The following KLRG1 variants were observed in gnomAD, a reference collection of about 807,000 sequenced individuals.
The protein encoded by KLRG1 is killer cell lectin-like receptor subfamily G member 1.
A neutral mutation model predicts 21.8 loss-of-function variants in KLRG1; 16 were observed. The ratio of observed to expected loss-of-function variants is 0.73; its 90% CI spans 0.50 to 1.11. The LOEUF (loss-of-function observed/expected upper bound fraction) is 1.11. Ranked by LOEUF, KLRG1 falls within the 50% of genes most tolerant of loss-of-function variation. The pLI is 0.00. For missense variants in KLRG1, 173 were observed against 218.3 expected (o/e 0.79, Z 1.31); for synonymous variants, 69 against 75.9 (o/e 0.91, Z 0.47).
upstream of KLRG1, among the ~76,000 whole-genome samples, chr12:8,988,760 T>A (rs148341104): frequency 2.9e-3 from 446 of 152,254 alleles, 4 homozygotes; most frequent in African/African-American, 0.01. Flanking sequence ...TTTTGTATTT[T>A]TAGTAGAGAC....
chr12:9,199,067 C>G, the KLRG1 span, among the ~76,000 whole-genome samples: 2 of 152,176 alleles, frequency 1.3e-5, no homozygotes, highest in African/African-American at 4.8e-5. Flanking sequence ...AGGTAAGGTT[C>G]ATGCCCTCTG....
the KLRG1 span, chr12:9,095,454 T>C: frequency 7.5e-7 from 1 of 1,330,864 alleles, no homozygotes; most frequent in East Asian, 2.4e-5. Context: ...AACTAGGACA[T>C]GAAGGCATTC....
the KLRG1 span, chr12:9,181,082 G>C: frequency 1.2e-6 from 2 of 1,614,184 alleles, no homozygotes; most frequent in South Asian, 2.2e-5. Context: ...CTACTTGCAG[G>C]TGGGCATGTG....
chr12:9,175,451 A>C, the KLRG1 span, among the ~76,000 whole-genome samples: 1 of 152,208 alleles, frequency 6.6e-6, no homozygotes, highest in Admixed American at 6.5e-5. Context: ...CAAAAGCAAA[A>C]ATTGGCAAAT....
chr12:9,067,829 A>G, the KLRG1 span: 2 of 1,612,832 alleles, frequency 1.2e-6, no homozygotes, highest in Non-Finnish European at 1.7e-6. Context: ...GTCTTCAAGC[A>G]TTTCCAAGAT....
the KLRG1 span, among the ~76,000 whole-genome samples, chr12:9,204,324 T>C: frequency 1.3e-5 from 2 of 152,086 alleles, no homozygotes; most frequent in South Asian, 4.2e-4. Context: ...CACACACACA[T>C]ATATAAAAAA....
the KLRG1 span, chr12:9,067,604 A>T: frequency 1.6e-6 from 1 of 626,430 alleles, no homozygotes; most frequent in Admixed American, 2.3e-5. Context: ...TTGTATTCTG[A>T]AGTCCTTCAG....
the KLRG1 span, among the ~76,000 whole-genome samples, chr12:9,088,808 A>C: frequency 6.6e-6 from 1 of 152,348 alleles, no homozygotes; most frequent in South Asian, 2.1e-4. Flanking sequence ...TCCCGTTATC[A>C]AATACTGTTG....
the KLRG1 span, chr12:9,093,586 T>C: frequency 7.1e-7 from 1 of 1,404,140 alleles, no homozygotes; most frequent in Non-Finnish European, 9.6e-7. Flanking sequence ...GACTCTATGG[T>C]GAGTGAGGAA....
the KLRG1 span, among the ~76,000 whole-genome samples, chr12:9,061,514 T>C: frequency 6.6e-6 from 1 of 152,138 alleles, no homozygotes; most frequent in African/African-American, 2.4e-5. Context: ...TAAAGTGTCA[T>C]TGAAAGAAAT....
chr12:9,019,879 C>G, the KLRG1 span, among the ~76,000 whole-genome samples: 1 of 152,078 alleles, frequency 6.6e-6, no homozygotes, highest in Non-Finnish European at 1.5e-5. Context: ...AGCCACCATG[C>G]CCGGCTCTTC....
the KLRG1 span, among the ~76,000 whole-genome samples, chr12:9,141,927 TAA>T: frequency 6.6e-6 from 1 of 152,234 alleles, no homozygotes; most frequent in Admixed American, 6.5e-5. Flanking sequence ...GTTGTACAGC[TAA>T]GAGTTATATG....
At chr12:8,998,113 G>T (rs1947190602) in intron 3 of KLRG1, among the ~76,000 whole-genome samples, 1 of 152,120 alleles carries the variant, frequency 6.6e-6, no homozygotes, top group African/African-American at 2.4e-5. Flanking sequence ...TGGATCACTT[G>T]AGGTCAGGCG....
chr12:8,998,882 G>A (rs774311056), intron 3 of KLRG1, among the ~76,000 whole-genome samples: 2 of 152,002 alleles, frequency 1.3e-5, no homozygotes, highest in Admixed American at 6.6e-5. Context: ...TTGTATGACC[G>A]TGGATATTTA....
At chr12:9,113,448 C>T in the KLRG1 span, 1 of 1,613,956 alleles carries the variant, frequency 6.2e-7, no homozygotes, top group African/African-American at 1.3e-5. Context: ...CAAGGAAGCA[C>T]TTACAGTCAC....
chr12:9,099,201 G>A, the KLRG1 span, among the ~76,000 whole-genome samples: 9 of 148,196 alleles, frequency 6.1e-5, no homozygotes, highest in African/African-American at 2.2e-4. Context: ...AAGTTTGAGA[G>A]TTTTGTATAA....
chr12:8,955,808 C>A (rs747648321), intron 1 of KLRG1, among the ~76,000 whole-genome samples: 1 of 151,942 alleles, frequency 6.6e-6, no homozygotes, highest in Non-Finnish European at 1.5e-5. Context: ...TAGATACGGG[C>A]GGGTCCCTGG....
At chr12:9,106,493 G>A in the KLRG1 span, 1 of 1,583,314 alleles carries the variant, frequency 6.3e-7, no homozygotes, top group South Asian at 1.1e-5. Context: ...ACACAAACCT[G>A]TTCCTTCTTC....
At chr12:9,067,865 T>G in the KLRG1 span, 2 of 1,608,806 alleles carry the variant, frequency 1.2e-6, no homozygotes. Context: ...GAAAAAAAAT[T>G]AAGACAGATT....
Sources: gnomAD v4.1 joint callset for allele counts (sites outside exome capture counted in the v4.1 genomes callset) on GRCh38, gnomAD v4.1.1 for gene constraint, MANE v1.5 for transcripts, NCBI Gene and HGNC (gene_info 2026-07-23, HGNC 2026-07-21) for gene names.